The following TOX variants were observed in gnomAD, a reference collection of about 807,000 sequenced individuals.
The protein encoded by TOX is thymocyte selection-associated high mobility group box protein TOX.
A neutral mutation model predicts 53.7 loss-of-function variants in TOX; 11 were observed. That is an observed-to-expected ratio of 0.20 (90% confidence interval 0.13 to 0.34). The LOEUF is 0.34. Ranked by LOEUF, TOX falls within the 10% of genes least tolerant of loss-of-function variation. The pLI, the probability that TOX is intolerant of heterozygous loss-of-function variation, is 1.00. For missense variants in TOX, 570 were observed against 664.6 expected (o/e 0.86, Z 1.56); for synonymous variants, 225 against 245.3 (o/e 0.92, Z 0.77).
chr8:58,835,814 A>AGT (rs1252744567), intron 5 of TOX, among the ~76,000 whole-genome samples: 1 of 152,204 alleles, frequency 6.6e-6, no homozygotes, highest in Non-Finnish European at 1.5e-5. Flanking sequence ...AAGTAAGGTG[A>AGT]GTGGCAGAGC....
At chr8:58,814,687 T>C (rs1810144134) in intron 7 of TOX, 3 of 152,244 alleles carry the variant, frequency 2.0e-5, no homozygotes, top group African/African-American at 7.2e-5. Flanking sequence ...CAATATTTGA[T>C]TTCAAAGAAA....
At chr8:59,092,273 A>ACATTATATATAT (rs1273581754) in intron 1 of TOX, among the ~76,000 whole-genome samples, 2 of 113,748 alleles carry the variant, frequency 1.8e-5, no homozygotes, top group African/African-American at 1.1e-4. Flanking sequence ...TTTTATATAT[A>ACATTATATATAT]TATATATATT....
At chr8:58,864,599 T>C (rs1811065187) in intron 3 of TOX, among the ~76,000 whole-genome samples, 1 of 152,200 alleles carries the variant, frequency 6.6e-6, no homozygotes, top group Non-Finnish European at 1.5e-5. Context: ...GCTAAAAATG[T>C]TGCCACATAA....
chr8:58,882,798 T>C (rs934090092), intron 3 of TOX, among the ~76,000 whole-genome samples: 1 of 152,226 alleles, frequency 6.6e-6, no homozygotes, highest in African/African-American at 2.4e-5. Context: ...GTAGGACATA[T>C]GAGTGCATTG....
At chr8:58,921,064 C>T (rs1216380178) in intron 3 of TOX, among the ~76,000 whole-genome samples, 1 of 141,602 alleles carries the variant, frequency 7.1e-6, no homozygotes, top group Non-Finnish European at 1.6e-5. Flanking sequence ...TGTGGAGACA[C>T]GGAGTTAAGA....
At chr8:59,066,045 T>A (rs1804087791) in intron 1 of TOX, among the ~76,000 whole-genome samples, 1 of 152,046 alleles carries the variant, frequency 6.6e-6, no homozygotes, top group African/African-American at 2.4e-5. Context: ...TTATGGAAGG[T>A]ACACAGGAAA....
chr8:58,892,052 A>C (rs953124224), intron 3 of TOX, among the ~76,000 whole-genome samples: 4 of 152,088 alleles, frequency 2.6e-5, no homozygotes, highest in Non-Finnish European at 5.9e-5. Context: ...GGAAAAAAAA[A>C]CTCTGCCATT....
At chr8:59,112,041 A>T (rs937876410) in intron 1 of TOX, among the ~76,000 whole-genome samples, 12 of 152,326 alleles carry the variant, frequency 7.9e-5, no homozygotes, top group African/African-American at 2.9e-4. Flanking sequence ...TTAAAATTTA[A>T]CTTTAAAATT....
chr8:59,061,070 C>T (rs1803976045), intron 1 of TOX, among the ~76,000 whole-genome samples: 1 of 152,032 alleles, frequency 6.6e-6, no homozygotes, highest in African/African-American at 2.4e-5. Context: ...ATGAATAAGT[C>T]AGCAAAGATT....
At position 58,826,881 on chromosome 8, in the gene TOX, C is replaced by T. The variant is rs768343098; in HGVS notation, c.946G>A (p.Ala316Thr). 1.3e-5 allele frequency: 21 copies of T among 1,611,710 alleles called. No individual in the cohort carries two copies. The highest frequency in any genetic ancestry group is 1.8e-5 in the Non-Finnish European group (21 of 1,179,020). ...QKQVYKKKTE[A>T]AKKEYLKQLA... ...TGCTTCAGGTACTCCTTCTTCGCAG[C>T]CTCGGTTTTCTTTTTATAGACCTGC... The change falls in exon 6 of 9, where the codon GCT becomes ACT. Residue 316 changes from alanine (A) to threonine (T), a missense_variant. By Grantham distance (58) the Ala-to-Thr change is moderately conservative. Around this residue, in one of 3 missense-constraint regions of TOX, gnomAD observed 49 missense variants for 98.9 expected, o/e 0.50. Transcript: ENST00000361421.
chr8:59,094,652 T>A (rs1466371003), intron 1 of TOX, among the ~76,000 whole-genome samples: 6 of 152,126 alleles, frequency 3.9e-5, no homozygotes, highest in African/African-American at 1.4e-4. Context: ...CAAATATTTT[T>A]AAAATGTAAA....
At chr8:59,059,918 A>G (rs1803950584) in intron 1 of TOX, among the ~76,000 whole-genome samples, 1 of 152,170 alleles carries the variant, frequency 6.6e-6, no homozygotes, top group African/African-American at 2.4e-5. Flanking sequence ...AAAAAAAAAA[A>G]AAATCTTTTA....
intron 3 of TOX, among the ~76,000 whole-genome samples, chr8:58,862,649 T>C (rs1811030483): frequency 6.6e-6 from 1 of 152,150 alleles, no homozygotes; most frequent in Admixed American, 6.6e-5. Flanking sequence ...TTACTGACTG[T>C]GCACCGAACC....
intron 1 of TOX, among the ~76,000 whole-genome samples, chr8:59,054,685 A>C (rs187507787): frequency 6.6e-6 from 1 of 152,212 alleles, no homozygotes; most frequent in Non-Finnish European, 1.5e-5. Context: ...CCTCGCCACA[A>C]ACCAAATACA....
intron 3 of TOX, among the ~76,000 whole-genome samples, chr8:58,871,172 CA>C (rs36036067): frequency 0.062 from 4,375 of 70,418 alleles, 132 homozygotes; most frequent in East Asian, 0.22. Flanking sequence ...AGAAGCCAGT[CA>C]AAAAAAAAAA....
rs547011770 is a variant in TOX, at chr8:58,850,337, A to C, written c.693+1187T>G. ...GGGAAGTACCCAGGTTGGCCAGGAG[A>C]CAGAAAGAGGGAGAAGACAGAGCAT... On this transcript the variant is annotated intron_variant, in intron 4 of 8. Transcript: ENST00000361421. 8.5e-5 allele frequency among the ~76,000 whole-genome samples: 13 copies of C among 152,306 alleles called. No individual in the cohort carries two copies. The South Asian group carries it at 2.7e-3, about 32-fold the overall frequency.
At chr8:58,938,002 T>G (rs1812375129) in intron 3 of TOX, among the ~76,000 whole-genome samples, 1 of 152,196 alleles carries the variant, frequency 6.6e-6, no homozygotes, top group Non-Finnish European at 1.5e-5. Flanking sequence ...TACTTAATAC[T>G]CATAAGCTAA....
intron 3 of TOX, among the ~76,000 whole-genome samples, chr8:58,898,385 A>G (rs1811684769): frequency 2.1e-5 from 1 of 48,380 alleles, no homozygotes; most frequent in South Asian, 5.2e-4. Flanking sequence ...TACATATTTT[A>G]GTCCCAATAG....
At chr8:59,000,600 AT>A (rs1462510676) in intron 1 of TOX, among the ~76,000 whole-genome samples, 2 of 152,204 alleles carry the variant, frequency 1.3e-5, no homozygotes, top group Non-Finnish European at 2.9e-5. Flanking sequence ...CACTACCAGT[AT>A]GTATAATTAA....
Sources: allele counts gnomAD v4.1 joint callset (sites outside exome capture counted in the v4.1 genomes callset), GRCh38; gene constraint gnomAD v4.1.1; regional missense constraint gnomAD v4.1.1; transcripts MANE v1.5; gene names NCBI Gene and HGNC (gene_info 2026-07-23, HGNC 2026-07-21).